Variants in GPM6B observed in about 807,000 individuals in gnomAD.
The protein encoded by GPM6B is neuronal membrane glycoprotein M6-b.
A neutral mutation model predicts 27.2 loss-of-function variants in GPM6B; 4 were observed. The ratio of observed to expected loss-of-function variants is 0.15; its 90% CI spans 0.07 to 0.34. The LOEUF (loss-of-function observed/expected upper bound fraction) is 0.34. Ranked by LOEUF, GPM6B falls within the 10% of genes least tolerant of loss-of-function variation. The pLI, the probability that GPM6B is intolerant of heterozygous loss-of-function variation, is 1.00. For missense variants in GPM6B, 183 were observed against 261.9 expected (o/e 0.70, Z 2.08); for synonymous variants, 124 against 103.1 (o/e 1.20, Z -1.23).
At chrX:13,897,770 A>G (rs1432717258) in intron 1 of GPM6B, among the ~76,000 whole-genome samples, 1 of 111,704 alleles carries the variant, frequency 9.0e-6, no homozygotes, top group Admixed American at 9.5e-5. Flanking sequence ...TCGCTCGAAC[A>G]CCACTCCAAT....
rs66531403 is a variant in GPM6B, at chrX:13,853,590, C to CAAA, written c.-197-67785_-197-67783dup. ...TGGGCGACAGGGTGAGACACCACCT[C>CAAA]AAAAAAAAAAAAAAAAAAAAAAAGG... On this transcript the variant is annotated intron_variant, in intron 1 of 6. Coordinates refer to the GPM6B transcript ENST00000398361. 2.0e-3 allele frequency among the ~76,000 whole-genome samples: 75 copies of CAAA among 38,440 alleles called. 3 individuals carry two copies. Among genetic ancestry groups the CAAA allele is most frequent in the East Asian group, 8.1e-3 (8 of 993 alleles). 33.4% of individuals were successfully genotyped at this position (38,440 alleles called of 115,157 possible). A position where few individuals can be genotyped will look rare whatever the true frequency, so the allele number is the denominator to read the frequency against.
chrX:13,863,265 A>G (rs189362011), intron 1 of GPM6B, among the ~76,000 whole-genome samples: 3 of 112,033 alleles, frequency 2.7e-5, no homozygotes, highest in Admixed American at 1.9e-4. Context: ...ACACAATCTT[A>G]ACACATTTCA....
In GPM6B at chrX:13,812,048, C is replaced by CTT. The variant is rs1187553585; in HGVS notation, c.62-4281_62-4280dup. Among the ~76,000 whole-genome samples, 469 of 88,852 alleles carry CTT rather than the reference C, an allele frequency of 5.3e-3. 10 individuals carry two copies. Among genetic ancestry groups the CTT allele is most frequent in the African/African-American group, 0.019 (443 of 23,321 alleles). The allele number at this position is 88,852 out of a possible 115,157, so 77.2% of individuals were successfully genotyped here. A position where few individuals can be genotyped will look rare whatever the true frequency, so the allele number is the denominator to read the frequency against. On this transcript the variant is annotated intron_variant, in intron 1 of 7. Coordinates refer to ENST00000316715, the MANE Select transcript of GPM6B (RefSeq NM_001001995.3). The stretch of plus-strand genomic sequence containing the variant: ...AAAGGAGAACACTTTTCTTTTCTTT[C>CTT]TTTTTTTTTTTTTTTTTTTGAGACA...
chrX:13,852,197 G>A (rs1165283393), intron 1 of GPM6B, among the ~76,000 whole-genome samples: 1 of 111,349 alleles, frequency 9.0e-6, no homozygotes, highest in Admixed American at 9.5e-5. Context: ...AGCAGCCAAG[G>A]AGCATATGTA....
Position 13,816,994 on chromosome X carries a change from T to C in GPM6B, c.-90A>G, listed in dbSNP as rs752530182. On this transcript the variant is annotated 5_prime_UTR_variant, in exon 1 of 8. Coordinates refer to ENST00000316715, the MANE Select transcript of GPM6B (RefSeq NM_001001995.3). Reference sequence around the variant, plus strand: ...CTTTTCTTTTGGACTCCCCTCCGTCTCTTATTTACACCCGTCTGATTGAGA... The same window carrying C: ...CTTTTCTTTTGGACTCCCCTCCGTCCCTTATTTACACCCGTCTGATTGAGA... The C allele has an allele frequency of 4.6e-4, 530 of 1,143,339 alleles. No homozygotes were observed. The South Asian group carries it at 0.011, about 23-fold the overall frequency. The allele number at this position is 1,143,339 out of a possible 1,213,427, so 94.2% of individuals were successfully genotyped here. A position where few individuals can be genotyped will look rare whatever the true frequency, so the allele number is the denominator to read the frequency against.
chrX:13,914,502 T>C (rs766768275), intron 1 of GPM6B, among the ~76,000 whole-genome samples: 1 of 112,542 alleles, frequency 8.9e-6, no homozygotes, highest in African/African-American at 3.2e-5. Flanking sequence ...GTGAAGGTGA[T>C]TGCAGGAACT....
intron 1 of GPM6B, among the ~76,000 whole-genome samples, chrX:13,891,417 CAA>C: frequency 9.4e-6 from 1 of 106,351 alleles, no homozygotes; most frequent in East Asian, 3.0e-4. Flanking sequence ...AGATAGAAAC[CAA>C]AAAAAAACCA....
intron 1 of GPM6B, among the ~76,000 whole-genome samples, chrX:13,926,843 C>T (rs888359560): frequency 3.6e-5 from 4 of 111,574 alleles, no homozygotes; most frequent in Non-Finnish European, 7.5e-5. Flanking sequence ...ATTTTCATGA[C>T]TTTGGGGATA....
At chrX:13,876,956 G>T (rs59575663) in intron 1 of GPM6B, among the ~76,000 whole-genome samples, 142 of 111,289 alleles carry the variant, frequency 1.3e-3, no homozygotes, top group African/African-American at 4.5e-3. Flanking sequence ...TGTAGTTCAT[G>T]CAAGTGCACA....
intron 2 of GPM6B, among the ~76,000 whole-genome samples, chrX:13,801,909 G>A (rs1278996911): frequency 9.0e-6 from 1 of 111,187 alleles, no homozygotes; most frequent in Non-Finnish European, 1.9e-5. Context: ...GACACCCAGA[G>A]CATTCCGTTT....
chrX:13,773,092 A>G, intron 7 of GPM6B, 62 bp from the exon 8 acceptor site: 6 of 1,042,500 alleles, frequency 5.8e-6, no homozygotes, highest in Non-Finnish European at 8.0e-6. Flanking sequence ...GCGAGGCGCT[A>G]GTTAGATTAG....
chrX:13,926,442 C>CAA (rs1921218182), intron 1 of GPM6B, among the ~76,000 whole-genome samples: 1 of 20,327 alleles, frequency 4.9e-5, no homozygotes, highest in Non-Finnish European at 1.5e-4. Flanking sequence ...AAAAAACACA[C>CAA]AAAAAAAGCA....
chrX:13,775,426 C>G (rs1019056070), intron 7 of GPM6B, among the ~76,000 whole-genome samples: 1 of 112,477 alleles, frequency 8.9e-6, no homozygotes, highest in Admixed American at 9.4e-5. Context: ...TAAGTATACT[C>G]GAAGTATATT....
rs1472824775 is a variant in GPM6B at position 13,772,306 on chromosome X, G to A, written c.*575C>T. 8.9e-6 allele frequency: 1 copy of A among 111,900 alleles called. No homozygotes were observed. The highest frequency in any genetic ancestry group is 3.3e-5 in the African/African-American group (1 of 30,609). 9.2% of individuals were successfully genotyped at this position (111,900 alleles called of 1,213,427 possible). On this transcript the variant is annotated 3_prime_UTR_variant, in exon 8 of 8. Transcript: ENST00000316715. ...AAAAATATATTTCTGATTGGCTCAGGAAATTAATGGGTCCTGGACTTGGGA... is the reference window on the plus strand; with the variant it reads ...AAAAATATATTTCTGATTGGCTCAGAAAATTAATGGGTCCTGGACTTGGGA...
intron 2 of GPM6B, among the ~76,000 whole-genome samples, chrX:13,788,526 C>T (rs936022966): frequency 1.1e-4 from 12 of 108,541 alleles, no homozygotes; most frequent in Non-Finnish European, 2.1e-4. Context: ...TAAAATTGTT[C>T]ATTAATTCTC....
At chrX:13,865,526 TAAAAATCCATCTCTTCAAAAAAAAAAAA>T (rs2049899984) in intron 1 of GPM6B, among the ~76,000 whole-genome samples, 1 of 23,628 alleles carries the variant, frequency 4.2e-5, no homozygotes, top group South Asian at 2.1e-3. Context: ...GACCACACGG[TAAAAATCCATCTCTTCAAAAAAAAAAAA>T]AAAAAAAAGA....
At chrX:13,817,884 G>A (rs1407433179), upstream of GPM6B, among the ~76,000 whole-genome samples, 1 of 111,913 alleles carries the variant, frequency 8.9e-6, no homozygotes, top group African/African-American at 3.2e-5. Context: ...CAAGTATATC[G>A]AGCTGACATT....
intron 1 of GPM6B, among the ~76,000 whole-genome samples, chrX:13,918,690 C>T (rs1250683446): frequency 9.0e-6 from 1 of 111,680 alleles, no homozygotes; most frequent in Non-Finnish European, 1.9e-5. Context: ...ATCTGCTTGG[C>T]TTCTGGGGAG....
intron 1 of GPM6B, among the ~76,000 whole-genome samples, chrX:13,867,657 G>A (rs1452132341): frequency 8.9e-6 from 1 of 111,735 alleles, no homozygotes; most frequent in Non-Finnish European, 1.9e-5. Context: ...GCTAGGAAGT[G>A]AGGCCAACCC....
Sources: allele counts gnomAD v4.1 joint callset (sites outside exome capture counted in the v4.1 genomes callset), GRCh38; gene constraint gnomAD v4.1.1; transcripts MANE v1.5; gene names NCBI Gene and HGNC (gene_info 2026-07-23, HGNC 2026-07-21).